Variants in ERAP1 observed in about 807,000 individuals in gnomAD.
ERAP1 encodes the protein endoplasmic reticulum aminopeptidase 1.
Under a neutral mutation model 103.7 loss-of-function variants are expected in ERAP1, and 86 were observed. The ratio of observed to expected loss-of-function variants is 0.83; its 90% CI spans 0.70 to 0.99. ERAP1 has a LOEUF of 0.99. Among genes scored for constraint, ERAP1 ranks in the 50% least tolerant of loss-of-function variants. The pLI, the probability that ERAP1 is intolerant of heterozygous loss-of-function variation, is 0.00. For synonymous variants in ERAP1, 398 were observed against 402.4 expected, an observed-to-expected ratio of 0.99 and a Z score of 0.13; for missense variants, 1,009 against 1,128.4, an observed-to-expected ratio of 0.89 and a Z score of 1.52.
chr5:96,830,109 CCTGGTAAATATCTCA>C, the ERAP1 span, among the ~76,000 whole-genome samples: 3 of 152,078 alleles, frequency 2.0e-5, no homozygotes, highest in Non-Finnish European at 4.4e-5. Context: ...AGGGAGGGAC[CCTGGTAAATATCTCA>C]CTGTGAGATG....
the ERAP1 span, among the ~76,000 whole-genome samples, chr5:96,887,215 A>C: frequency 4.0e-5 from 6 of 151,660 alleles, no homozygotes; most frequent in Non-Finnish European, 7.4e-5. Flanking sequence ...TGTCATTTAA[A>C]ATTTTAAATA....
At chr5:96,881,325 T>A in the ERAP1 span, 1 of 437,842 alleles carries the variant, frequency 2.3e-6, no homozygotes, top group South Asian at 1.6e-5. Context: ...TGGCAGTGCT[T>A]ATGGAGTGAA....
intron 19 of ERAP1, chr5:96,767,818 C>A (rs981609948): frequency 1.6e-5 from 12 of 761,186 alleles, no homozygotes; most frequent in Admixed American, 9.2e-5. Flanking sequence ...ATAGAAACAT[C>A]TTTTATTTGT....
At chr5:96,896,640 A>C in the ERAP1 span, 6 of 1,431,020 alleles carry the variant, frequency 4.2e-6, no homozygotes, top group Non-Finnish European at 4.7e-6. Flanking sequence ...CAGACATCAC[A>C]CATGTTCCGT....
chr5:96,901,369 C>A, the ERAP1 span: 97 of 930,690 alleles, frequency 1.0e-4, 1 homozygote, highest in Admixed American at 2.0e-3. Context: ...GCCTGGATTA[C>A]CCTTCCCTGA....
At chr5:96,795,250 T>C in intron 4 of ERAP1, 88 bp from the exon 5 acceptor site, 1 of 1,527,584 alleles carries the variant, frequency 6.5e-7, no homozygotes, top group South Asian at 1.1e-5. Context: ...AATGTCTTCA[T>C]ATTGTGGGAT....
At chr5:96,803,379 A>G (rs780350646) in intron 2 of ERAP1, 24 bp downstream of exon 2, 10 of 1,609,486 alleles carry the variant, frequency 6.2e-6, no homozygotes, top group Admixed American at 5.0e-5. Flanking sequence ...TTGCAGTTTA[A>G]AAGAAAAAGA....
At chr5:96,912,785 GA>G in the ERAP1 span, 1 of 1,596,988 alleles carries the variant, frequency 6.3e-7, no homozygotes, top group Admixed American at 1.8e-5. Flanking sequence ...CAAGCATCAG[GA>G]AAAGTTACTG....
chr5:96,881,029 G>A, the ERAP1 span: 1 of 166,676 alleles, frequency 6.0e-6, no homozygotes, highest in South Asian at 1.3e-4. Flanking sequence ...AGAACATCTC[G>A]GGGCAAGTGC....
At chr5:96,844,942 A>G in the ERAP1 span, among the ~76,000 whole-genome samples, 1 of 152,240 alleles carries the variant, frequency 6.6e-6, no homozygotes, top group East Asian at 1.9e-4. Flanking sequence ...AGAGTCAGGA[A>G]TAACAAATTG....
chr5:96,888,853 G>C, the ERAP1 span, among the ~76,000 whole-genome samples: 1 of 152,180 alleles, frequency 6.6e-6, no homozygotes, highest in African/African-American at 2.4e-5. Flanking sequence ...TAGTTGACAA[G>C]TGTTAAAGTA....
At chr5:96,839,442 G>A in the ERAP1 span, among the ~76,000 whole-genome samples, 3 of 152,132 alleles carry the variant, frequency 2.0e-5, no homozygotes, top group Non-Finnish European at 2.9e-5. Flanking sequence ...TGGCCCAAGG[G>A]GCCCACTGTG....
chr5:96,895,266 A>G, the ERAP1 span: 1 of 1,611,874 alleles, frequency 6.2e-7, no homozygotes, highest in Non-Finnish European at 8.5e-7. Context: ...ACCTGGTCAC[A>G]ATGGAATGGT....
the ERAP1 span, among the ~76,000 whole-genome samples, chr5:96,905,221 G>T: frequency 1.3e-5 from 2 of 152,172 alleles, no homozygotes; most frequent in African/African-American, 4.8e-5. Flanking sequence ...TTCAAATAAT[G>T]TGAAGTTGAG....
downstream of ERAP1, chr5:96,772,010 T>C (rs200937935): frequency 2.0e-5 from 4 of 204,962 alleles, no homozygotes; most frequent in East Asian, 4.5e-4. Context: ...TGCTCATTAC[T>C]GCAGGTTATT....
chr5:96,789,689 G>C (rs1267025696), intron 10 of ERAP1, among the ~76,000 whole-genome samples: 1 of 152,162 alleles, frequency 6.6e-6, no homozygotes, highest in Non-Finnish European at 1.5e-5. Flanking sequence ...CAGAGACTCA[G>C]GCTGTTTTGT....
At chr5:96,822,003 C>T in the ERAP1 span, among the ~76,000 whole-genome samples, 1 of 152,194 alleles carries the variant, frequency 6.6e-6, no homozygotes, top group African/African-American at 2.4e-5. Flanking sequence ...GAGGAATAAA[C>T]TATCCCAAGT....
intron 19 of ERAP1, among the ~76,000 whole-genome samples, chr5:96,763,481 C>T (rs1768740123): frequency 6.6e-6 from 1 of 152,166 alleles, no homozygotes; most frequent in African/African-American, 2.4e-5. Context: ...ATATTCAGGC[C>T]AGAGATTCTG....
upstream of ERAP1, among the ~76,000 whole-genome samples, chr5:96,811,319 A>C (rs551082276): frequency 8.6e-4 from 131 of 152,314 alleles, 1 homozygote; most frequent in African/African-American, 2.8e-3. Flanking sequence ...AGTCCTCTGA[A>C]ATGTGGCAGC....
Sources: gnomAD v4.1 joint callset for allele counts (sites outside exome capture counted in the v4.1 genomes callset) on GRCh38, gnomAD v4.1.1 for gene constraint, MANE v1.5 for transcripts, NCBI Gene and HGNC (gene_info 2026-07-23, HGNC 2026-07-21) for gene names.